Variants in MAP3K1 observed in about 807,000 individuals in gnomAD.
MAP3K1 encodes the protein MAP/ERK kinase kinase 1.
MAP3K1 carries 36 observed loss-of-function variants against 144.2 expected under a neutral mutation model. The ratio of observed to expected loss-of-function variants is 0.25; its 90% CI spans 0.19 to 0.33. The LOEUF (loss-of-function observed/expected upper bound fraction) is 0.33. Among genes scored for constraint, MAP3K1 ranks in the 10% least tolerant of loss-of-function variants. The probability of loss-of-function intolerance (pLI) is 1.00; values close to 1 mark genes in which losing one functional copy is unlikely to be tolerated. For missense variants in MAP3K1, 1,650 were observed against 1,881.9 expected (o/e 0.88, Z 2.28); for synonymous variants, 718 against 688.7 (o/e 1.04, Z -0.67).
rs1163509195 is a variant in MAP3K1 at position 56,873,000 on chromosome 5, A to T, written c.1681A>T (p.Ile561Phe). ...TTACAAAGATTTAGCTGAGCCATGGATTCAGGTAAGTAGTTCTTTGTTTTT... is the reference window on the plus strand; with the variant it reads ...TTACAAAGATTTAGCTGAGCCATGGTTTCAGGTAAGTAGTTCTTTGTTTTT... The part of the protein sequence containing the change: ...PAYKDLAEPW[I>F]QVFGMELVGC... Residue 561 changes from isoleucine to phenylalanine, a missense_variant, in exon 9 of 20, where the codon ATT becomes TTT. This residue lies in a region of MAP3K1 where 841 missense variants were observed against 886.5 expected (regional missense o/e 0.95). Transcript: ENST00000399503. The T allele has an allele frequency of 1.9e-6, 3 of 1,613,442 alleles. No homozygotes were observed. Among genetic ancestry groups the T allele is most frequent in the Admixed American group, 3.3e-5 (2 of 59,970 alleles).
chr5:56,838,404 G>A (rs745865725), intron 1 of MAP3K1, among the ~76,000 whole-genome samples: 1 of 152,138 alleles, frequency 6.6e-6, no homozygotes, highest in Non-Finnish European at 1.5e-5. Context: ...GCAATTATTT[G>A]GTTCTATGAA....
At chr5:56,851,805 G>A (rs1420239798) in intron 1 of MAP3K1, among the ~76,000 whole-genome samples, 2 of 152,178 alleles carry the variant, frequency 1.3e-5, no homozygotes, top group East Asian at 3.8e-4. Flanking sequence ...TTAAGCATTA[G>A]CCACCACCCT....
chr5:56,815,829 G>A lies in MAP3K1; in HGVS notation c.256G>A (p.Ala86Thr), dbSNP rs1228203095. The A allele has an allele frequency of 1.4e-6, 2 of 1,416,898 alleles. No individual in the cohort carries two copies. The highest frequency in any genetic ancestry group is 1.8e-6 in the Non-Finnish European group (2 of 1,081,798). The allele number at this position is 1,416,898 out of a possible 1,614,324, so 87.8% of individuals were successfully genotyped here. ...GCTCTTCCTTGCCGCCTCACCGCCG[G>A]CCTCCTCGACTTCCCCGTCGCCGGA... ...QPLFLAASPP[A>T]SSTSPSPEPA... Residue 86 changes from alanine (A) to threonine (T), a missense_variant, in exon 1 of 20, where the codon GCC becomes ACC. By Grantham distance (58) the Ala-to-Thr change is moderately conservative. Coordinates refer to ENST00000399503, the MANE Select transcript of MAP3K1 (RefSeq NM_005921.2).
At chr5:56,856,543 G>C in intron 1 of MAP3K1, 57 bp from the exon 2 acceptor site, 5 of 1,458,034 alleles carry the variant, frequency 3.4e-6, no homozygotes, top group Non-Finnish European at 3.8e-6. Flanking sequence ...GTTTGTTCTT[G>C]GAAATTATTT....
chr5:56,893,760 CT>C lies in MAP3K1; in HGVS notation c.*81del, dbSNP rs1178693201. 2 of 1,481,672 alleles carry C rather than the reference CT, an allele frequency of 1.3e-6. No homozygotes were observed. Among genetic ancestry groups the C allele is most frequent in the Non-Finnish European group, 1.9e-6 (2 of 1,074,750 alleles). The allele number at this position is 1,481,672 out of a possible 1,614,324, so 91.8% of individuals were successfully genotyped here. ...ACTTGTGGGGAACCACATTGATATT[CT>C]ACTGGCCATGATGCCACTGAACAGC... is the stretch of plus-strand genomic sequence containing the variant. On this transcript the variant is annotated 3_prime_UTR_variant, in exon 20 of 20. Coordinates refer to ENST00000399503, the MANE Select transcript of MAP3K1 (RefSeq NM_005921.2).
At chr5:56,878,914 A>C (rs1284635247) in intron 10 of MAP3K1, 66 bp from the exon 11 acceptor site, 6 of 1,469,730 alleles carry the variant, frequency 4.1e-6, no homozygotes, top group Non-Finnish European at 5.7e-6. Flanking sequence ...AATTGTCTCA[A>C]ATTAGGCCAT....
intron 1 of MAP3K1, among the ~76,000 whole-genome samples, chr5:56,844,180 T>C (rs1054189838): frequency 7.3e-6 from 1 of 136,890 alleles, no homozygotes; most frequent in South Asian, 2.3e-4. Flanking sequence ...ATTGTTTTTT[T>C]TGGTTTTTTT....
At chr5:56,872,573 CAGTT>C (rs944883371) in intron 7 of MAP3K1, 64 bp from the exon 8 acceptor site, 1 of 894,334 alleles carries the variant, frequency 1.1e-6, no homozygotes, top group African/African-American at 1.7e-5. Context: ...TAATTATAAA[CAGTT>C]ATGAAATAAA....
chr5:56,821,048 GTCTT>G (rs1746139286), intron 1 of MAP3K1, among the ~76,000 whole-genome samples: 2 of 152,056 alleles, frequency 1.3e-5, no homozygotes, highest in African/African-American at 2.4e-5. Context: ...CTGAAATTCT[GTCTT>G]TATTATTAGT....
chr5:56,885,963 T>C lies in MAP3K1; in HGVS notation c.4014T>C (p.Tyr1338=), dbSNP rs777375495. 7.4e-6 allele frequency: 12 copies of C among 1,612,734 alleles called. No individual in the cohort carries two copies. The African/African-American group carries it at 1.2e-4, about 16-fold the overall frequency. ...CGGTGGCTCATTTGCTGAGTAAATA[T>C]GGAGCCTTCAAAGAATCAGTAGTTA... The part of the protein sequence containing the change: ...GGSVAHLLSK[Y]GAFKESVVIN... Residue 1338 remains tyrosine, a synonymous_variant, in exon 17 of 20, where the codon TAT becomes TAC. Coordinates refer to ENST00000399503, the MANE Select transcript of MAP3K1 (RefSeq NM_005921.2).
chr5:56,893,755 A>G lies in MAP3K1; in HGVS notation c.*75A>G. 1.3e-6 allele frequency: 2 copies of G among 1,501,584 alleles called. No individual in the cohort carries two copies. The highest frequency in any genetic ancestry group is 1.8e-6 in the Non-Finnish European group (2 of 1,090,088). The allele number at this position is 1,501,584 out of a possible 1,614,324, so 93.0% of individuals were successfully genotyped here. A position where few individuals can be genotyped will look rare whatever the true frequency, so the allele number is the denominator to read the frequency against. ...AAAAAACTTGTGGGGAACCACATTG[A>G]TATTCTACTGGCCATGATGCCACTG... is the stretch of plus-strand genomic sequence containing the variant. On this transcript the variant is annotated 3_prime_UTR_variant, in exon 20 of 20. Transcript: ENST00000399503.
At chr5:56,834,276 C>G (rs1320448140) in intron 1 of MAP3K1, among the ~76,000 whole-genome samples, 2 of 152,102 alleles carry the variant, frequency 1.3e-5, no homozygotes, top group African/African-American at 4.8e-5. Context: ...TGAGTGAGCC[C>G]TAGGTAAATG....
chr5:56,892,936 GA>G (rs984646492), intron 19 of MAP3K1, among the ~76,000 whole-genome samples: 1 of 147,552 alleles, frequency 6.8e-6, no homozygotes, highest in African/African-American at 2.5e-5. Context: ...AATTTTTTTA[GA>G]AAAACTACAA....
At position 56,864,943 on chromosome 5, in the gene MAP3K1, C is replaced by A. The variant is rs377648432; in HGVS notation, c.1035+9C>A. The A allele has an allele frequency of 3.1e-6, 5 of 1,613,124 alleles. No individual in the cohort carries two copies. The African/African-American group carries it at 6.7e-5, about 22-fold the overall frequency. On this transcript the variant is annotated intron_variant, in intron 4 of 19. Coordinates refer to ENST00000399503, the MANE Select transcript of MAP3K1 (RefSeq NM_005921.2). ...TGTTTATTGGGCCTCAGGTAGGATT[C>A]GTCACCATTTTATACTTTATTAGTA...
intron 15 of MAP3K1, 21 bp from the exon 16 acceptor site, chr5:56,884,643 G>A (rs1457774373): frequency 2.5e-6 from 4 of 1,612,506 alleles, no homozygotes; most frequent in African/African-American, 2.7e-5. Context: ...AAAACTTTGT[G>A]AACGTGTTTA....
chr5:56,832,399 T>C (rs1423031454), intron 1 of MAP3K1, among the ~76,000 whole-genome samples: 1 of 152,232 alleles, frequency 6.6e-6, no homozygotes, highest in Non-Finnish European at 1.5e-5. Context: ...TCTCCTACTG[T>C]ACTTATCTGA....
chr5:56,818,885 C>T (rs1435322889), intron 1 of MAP3K1, among the ~76,000 whole-genome samples: 1 of 152,118 alleles, frequency 6.6e-6, no homozygotes, highest in Admixed American at 6.5e-5. Flanking sequence ...ATATAGCCCT[C>T]AGATTTCACT....
At chr5:56,884,622 T>G (rs1479554077) in intron 15 of MAP3K1, 42 bp from the exon 16 acceptor site, 1 of 1,603,334 alleles carries the variant, frequency 6.2e-7, no homozygotes, top group African/African-American at 1.3e-5. Flanking sequence ...AGATTGCTAG[T>G]GAAAATATGC....
chr5:56,894,056 C>T lies in MAP3K1; in HGVS notation c.*376C>T. On this transcript the variant is annotated 3_prime_UTR_variant, in exon 20 of 20. Coordinates refer to ENST00000399503, the MANE Select transcript of MAP3K1 (RefSeq NM_005921.2). ...TAATATTTCAATTATTCTTCCATTTCATATAGTGATCACAAGCAGGGGGTT... is the reference window on the plus strand; with the variant it reads ...TAATATTTCAATTATTCTTCCATTTTATATAGTGATCACAAGCAGGGGGTT... 1 of 363,800 alleles carries T rather than the reference C, an allele frequency of 2.7e-6. No individual in the cohort carries two copies. Among genetic ancestry groups the T allele is most frequent in the Non-Finnish European group, 5.1e-6 (1 of 194,628 alleles). The allele number at this position is 363,800 out of a possible 1,614,324, so 22.5% of individuals were successfully genotyped here. A position where few individuals can be genotyped will look rare whatever the true frequency, so the allele number is the denominator to read the frequency against.
Sources: gnomAD v4.1 joint callset for allele counts (sites outside exome capture counted in the v4.1 genomes callset) on GRCh38, gnomAD v4.1.1 for gene constraint, gnomAD v4.1.1 regional missense constraint, MANE v1.5 for transcripts, NCBI Gene and HGNC (gene_info 2026-07-23, HGNC 2026-07-21) for gene names.